Variants in PHLDB2 observed in about 807,000 individuals in gnomAD.
PHLDB2 encodes the protein pleckstrin homology like domain family B member 2.
PHLDB2 carries 71 observed loss-of-function variants against 123.6 expected under a neutral mutation model. The ratio of observed to expected loss-of-function variants is 0.57; its 90% CI spans 0.47 to 0.70. The LOEUF (loss-of-function observed/expected upper bound fraction) is 0.70. PHLDB2 is among the 30% of genes least tolerant of loss of function. PHLDB2 has a pLI of 0.00. For missense variants in PHLDB2, 1,446 were observed against 1,519.5 expected (o/e 0.95, Z 0.80); for synonymous variants, 547 against 541.6 (o/e 1.01, Z -0.14).
chr3:111,967,595 G>A lies in PHLDB2; in HGVS notation c.3169-83G>A, dbSNP rs2071862265. 8 of 1,374,908 alleles carry A rather than the reference G, an allele frequency of 5.8e-6. No individual in the cohort carries two copies. The Admixed American group carries it at 2.2e-4, about 38-fold the overall frequency. The allele number at this position is 1,374,908 out of a possible 1,614,324, so 85.2% of individuals were successfully genotyped here. On this transcript the variant is annotated intron_variant, in intron 14 of 17. Transcript: ENST00000431670. ...CTACAAACCAAGATTTGTCTAGTAA[G>A]AATTGTCTTTTTTATATTGATTGGA...
chr3:111,902,888 T>C lies in PHLDB2; in HGVS notation c.1336-10431T>C, dbSNP rs369167762. Among the ~76,000 whole-genome samples the C allele has an allele frequency of 9.2e-5, 14 of 152,342 alleles. No homozygotes were observed. The East Asian group carries it at 1.7e-3, about 19-fold the overall frequency. ...TCCTGGCCTCAAGTGATCCCCTACC[T>C]TGGCCTCCCAAAGTGCTGGGATTAT... On this transcript the variant is annotated intron_variant, in intron 2 of 17. Coordinates refer to ENST00000431670, the MANE Select transcript of PHLDB2 (RefSeq NM_001134438.2).
At chr3:111,733,153 C>T (rs1461376609) in intron 1 of PHLDB2, among the ~76,000 whole-genome samples, 1 of 152,096 alleles carries the variant, frequency 6.6e-6, no homozygotes, top group African/African-American at 2.4e-5. Context: ...TGTCCATTCA[C>T]AGGGCTGTCA....
At chr3:111,800,936 A>G (rs191184882) in intron 1 of PHLDB2, among the ~76,000 whole-genome samples, 2 of 152,354 alleles carry the variant, frequency 1.3e-5, no homozygotes, top group East Asian at 3.9e-4. Flanking sequence ...CAGCTGGTAC[A>G]AGTATAATAC....
chr3:111,765,760 A>C (rs911491426), intron 1 of PHLDB2, among the ~76,000 whole-genome samples: 7 of 152,222 alleles, frequency 4.6e-5, no homozygotes, highest in African/African-American at 7.2e-5. Context: ...TTCCCTGAGA[A>C]GGGAGGCTGA....
chr3:111,798,408 T>C (rs1028703806), intron 1 of PHLDB2, among the ~76,000 whole-genome samples: 3 of 152,212 alleles, frequency 2.0e-5, no homozygotes, highest in Admixed American at 6.5e-5. Flanking sequence ...AATTTTGGTA[T>C]GTTCTAGGCT....
At chr3:111,834,895 G>T (rs1358024516) in intron 1 of PHLDB2, among the ~76,000 whole-genome samples, 1 of 151,886 alleles carries the variant, frequency 6.6e-6, no homozygotes, top group African/African-American at 2.4e-5. Context: ...TTTAGCTTCG[G>T]AACTGGTTTT....
At chr3:111,831,676 A>T (rs2063044899) in intron 1 of PHLDB2, among the ~76,000 whole-genome samples, 1 of 152,198 alleles carries the variant, frequency 6.6e-6, no homozygotes, top group South Asian at 2.1e-4. Context: ...GCAGACAGGG[A>T]TATCTATCTG....
chr3:111,929,909 GA>G (rs1171589559), intron 5 of PHLDB2, among the ~76,000 whole-genome samples: 2 of 127,304 alleles, frequency 1.6e-5, no homozygotes, highest in East Asian at 2.7e-4. Flanking sequence ...TTAAATATAA[GA>G]TTTTTTTTTT....
At chr3:111,800,257 C>T (rs548875916) in intron 1 of PHLDB2, among the ~76,000 whole-genome samples, 7 of 152,260 alleles carry the variant, frequency 4.6e-5, no homozygotes, top group Non-Finnish European at 7.4e-5. Context: ...CTGCCTGCCT[C>T]GGCTTCCCAA....
At chr3:111,945,421 T>TATTTG (rs950488190) in intron 9 of PHLDB2, 64 bp downstream of exon 9, 1 of 1,203,952 alleles carries the variant, frequency 8.3e-7, no homozygotes, top group African/African-American at 1.5e-5. Flanking sequence ...ATTTCAGCTT[T>TATTTG]ATTTGATTAG....
At chr3:111,848,374 T>C (rs1036807429) in intron 2 of PHLDB2, among the ~76,000 whole-genome samples, 2 of 152,210 alleles carry the variant, frequency 1.3e-5, no homozygotes, top group African/African-American at 4.8e-5. Context: ...GATAGTCACT[T>C]TGATAACTTC....
At chr3:111,877,389 A>G (rs1198692520) in intron 1 of PHLDB2, among the ~76,000 whole-genome samples, 1 of 152,126 alleles carries the variant, frequency 6.6e-6, no homozygotes, top group Non-Finnish European at 1.5e-5. Flanking sequence ...GTGTCTGTTC[A>G]TATCCTTTGC....
At chr3:111,796,030 G>A (rs940885989) in intron 1 of PHLDB2, among the ~76,000 whole-genome samples, 13 of 152,162 alleles carry the variant, frequency 8.5e-5, no homozygotes, top group Admixed American at 2.0e-4. Context: ...CTGAGTAGCT[G>A]GGATTACAGG....
chr3:111,943,901 T>G (rs2070093294), intron 8 of PHLDB2, among the ~76,000 whole-genome samples: 1 of 152,198 alleles, frequency 6.6e-6, no homozygotes. Context: ...AAAACATGTC[T>G]TCATATAAAA....
intron 15 of PHLDB2, among the ~76,000 whole-genome samples, 172 bp downstream of exon 15, chr3:111,967,996 A>T (rs1410861945): frequency 3.3e-5 from 5 of 151,216 alleles, no homozygotes; most frequent in African/African-American, 9.8e-5. Flanking sequence ...AAAAAAAAAA[A>T]AAATGTGAGT....
At chr3:111,850,068 A>C (rs951746973) in intron 2 of PHLDB2, among the ~76,000 whole-genome samples, 3 of 151,816 alleles carry the variant, frequency 2.0e-5, no homozygotes, top group African/African-American at 7.3e-5. Flanking sequence ...TCACCATGTT[A>C]GCCAGGATGG....
chr3:111,924,647 G>A (rs961623120), intron 5 of PHLDB2, among the ~76,000 whole-genome samples: 1 of 152,218 alleles, frequency 6.6e-6, no homozygotes, highest in Non-Finnish European at 1.5e-5. Flanking sequence ...ACCTGTTGCT[G>A]TGGTCAGATA....
intron 1 of PHLDB2, among the ~76,000 whole-genome samples, chr3:111,802,850 GT>G (rs559927754): frequency 6.6e-6 from 1 of 152,126 alleles, no homozygotes; most frequent in Non-Finnish European, 1.5e-5. Context: ...GTGAACACAT[GT>G]TTTTTGTCCT....
intron 2 of PHLDB2, among the ~76,000 whole-genome samples, chr3:111,895,938 T>G (rs2066837412): frequency 6.6e-6 from 1 of 152,152 alleles, no homozygotes; most frequent in Non-Finnish European, 1.5e-5. Flanking sequence ...GACTATTGAT[T>G]GTTTCTGGTA....
Sources: allele counts gnomAD v4.1 joint callset (sites outside exome capture counted in the v4.1 genomes callset), GRCh38; gene constraint gnomAD v4.1.1; transcripts MANE v1.5; gene names NCBI Gene and HGNC (gene_info 2026-07-23, HGNC 2026-07-21).